Variants in GLI1 observed in about 807,000 individuals in gnomAD.
GLI1 encodes the protein transcription activator GLI1.
GLI1 carries 51 observed loss-of-function variants against 87.8 expected under a neutral mutation model. The observed-to-expected ratio is 0.58, with a 90% CI of 0.46 to 0.73. The LOEUF (loss-of-function observed/expected upper bound fraction) is 0.73, where lower values mean the gene tolerates loss of function less well. Ranked by LOEUF, GLI1 falls within the 30% of genes least tolerant of loss-of-function variation. GLI1 has a pLI of 0.00. For synonymous variants in GLI1, 528 were observed against 558.2 expected (o/e 0.95, Z 0.76); for missense variants, 1,292 against 1,437.2 (o/e 0.90, Z 1.63).
At position 57,463,721 on chromosome 12, in the gene GLI1, C is replaced by G. The variant is rs533354109; in HGVS notation, c.30C>G (p.Ile10Met). Residue 10 changes from isoleucine to methionine, a missense_variant, in exon 2 of 12, where the codon ATC (isoleucine) becomes ATG (methionine). Physicochemically the swap from Ile to Met is conservative, Grantham distance 10. This residue lies in a region of GLI1 where 383 missense variants were observed against 368.4 expected (regional missense o/e 1.04). Coordinates refer to ENST00000228682, the MANE Select transcript of GLI1 (RefSeq NM_005269.3). MFNSMTPPP[I>M]SSYGEPCCLR... is the part of the protein sequence containing the mutation. ...TCAACTCGATGACCCCACCACCAAT[C>G]AGTAGCTATGGCGAGCCCTGCTGTC... The G allele has an allele frequency of 1.2e-6, 2 of 1,612,614 alleles. No individual in the cohort carries two copies. Among genetic ancestry groups the G allele is most frequent in the Non-Finnish European group, 1.7e-6 (2 of 1,179,544 alleles).
intron 4 of GLI1, 87 bp downstream of exon 4, chr12:57,464,955 T>C: frequency 8.0e-7 from 1 of 1,257,204 alleles, no homozygotes; most frequent in African/African-American, 1.5e-5. Flanking sequence ...CTAACCCTAT[T>C]TGAATCCTTG....
In GLI1 at chr12:57,471,949, G is replaced by C. The variant is rs916865788; in HGVS notation, c.3209G>C (p.Ser1070Thr). 6.2e-7 allele frequency: 1 copy of C among 1,610,742 alleles called. No homozygotes were observed. Among genetic ancestry groups the C allele is most frequent in the Non-Finnish European group, 8.5e-7 (1 of 1,178,374 alleles). The change falls in exon 12 of 12, where the codon AGC becomes ACC. Residue 1070 changes from serine (S) to threonine (T), a missense_variant. Physicochemically the swap from Ser to Thr is moderately conservative, Grantham distance 58 (BLOSUM62 1). This residue lies in a region of GLI1 where 897 missense variants were observed against 1,040.7 expected (regional missense o/e 0.86). Coordinates refer to ENST00000228682, the MANE Select transcript of GLI1 (RefSeq NM_005269.3). This position sits in a 1 kb window ranked among gnomAD's most constrained non-coding sequence, Gnocchi z 4.9. Reference protein sequence around the residue: ...SPPPSHDQRGSSGHTPPPSGP... With the variant: ...SPPPSHDQRGTSGHTPPPSGP... ...CCTCCTTCCCATGATCAGCGGGGCAGCTCTGGACATACCCCACCTCCCTCT... is the reference window on the plus strand; with the variant it reads ...CCTCCTTCCCATGATCAGCGGGGCACCTCTGGACATACCCCACCTCCCTCT...
At chr12:57,461,146 G>A (rs1018447409) in intron 1 of GLI1, among the ~76,000 whole-genome samples, 1 of 152,216 alleles carries the variant, frequency 6.6e-6, no homozygotes, top group Non-Finnish European at 1.5e-5. Context: ...TTTCGGGACA[G>A]GATTACGGAA....
chr12:57,471,185 GCCAGAACAGGGGTGC>G lies in GLI1; in HGVS notation c.2450_2464del (p.Glu817_Pro821del). 10 of 1,602,606 alleles carry G rather than the reference GCCAGAACAGGGGTGC, an allele frequency of 6.2e-6. No individual in the cohort carries two copies. The highest frequency in any genetic ancestry group is 8.5e-6 in the Non-Finnish European group (10 of 1,174,160). ...AACATTATGGACAAGTGCAAGTCAA[GCCAGAACAGGGGTGC>G]CCAGTGGGGTCTGACTCCACAGGAC... On this transcript the variant is annotated inframe_deletion, in exon 12 of 12. Coordinates refer to ENST00000228682, the MANE Select transcript of GLI1 (RefSeq NM_005269.3). The surrounding 1 kb of genome is among the most constrained non-coding windows in gnomAD (Gnocchi z 4.9).
At chr12:57,465,965 T>G (rs1474036565) in intron 7 of GLI1, 40 bp downstream of exon 7, 1 of 1,586,834 alleles carries the variant, frequency 6.3e-7, no homozygotes, top group Non-Finnish European at 8.6e-7. Flanking sequence ...AGCCAGAACC[T>G]TTAGGAGATT....
chr12:57,464,399 G>A (rs371084969), intron 3 of GLI1, among the ~76,000 whole-genome samples: 1 of 152,116 alleles, frequency 6.6e-6, no homozygotes, highest in African/African-American at 2.4e-5. Context: ...GCTTGCACCT[G>A]TAGTGCCGAT....
At position 57,471,928 on chromosome 12, in the gene GLI1, C is replaced by T. The variant is rs1872004276; in HGVS notation, c.3188C>T (p.Pro1063Leu). Residue 1063 changes from proline to leucine, a missense_variant, in exon 12 of 12, where the codon CCT (proline) becomes CTT (leucine). Transcript: ENST00000228682. The surrounding 1 kb of genome is among the most constrained non-coding windows in gnomAD (Gnocchi z 4.9). The part of the protein sequence containing the change: ...LDEPQGLSPP[P>L]SHDQRGSSGH... Reference sequence around the variant, plus strand: ...GAGCCCCAGGGGCTGAGTCCTCCTCCTTCCCATGATCAGCGGGGCAGCTCT... The same window carrying T: ...GAGCCCCAGGGGCTGAGTCCTCCTCTTTCCCATGATCAGCGGGGCAGCTCT... The T allele has an allele frequency of 6.2e-6, 10 of 1,612,478 alleles. No homozygotes were observed. The highest frequency in any genetic ancestry group is 8.5e-6 in the Non-Finnish European group (10 of 1,179,118).
In GLI1 at chr12:57,469,557, T is replaced by G; in HGVS notation, c.1435T>G (p.Ser479Ala). ...TGCAGGGGGCAGCACTGAAGACCTC[T>G]CCAGCTTGGACGAGGGACCTTGCAT... is the stretch of plus-strand genomic sequence containing the variant. ...GNAGGSTEDLSSLDEGPCIAG... is the reference protein window; with the variant it reads ...GNAGGSTEDLASLDEGPCIAG... Residue 479 changes from serine (S) to alanine (A), a missense_variant, in exon 11 of 12, where the codon TCC (serine) becomes GCC (alanine). Ser to Ala is a moderately conservative substitution (Grantham distance 99). Coordinates refer to ENST00000228682, the MANE Select transcript of GLI1 (RefSeq NM_005269.3). 1 of 1,614,208 alleles carries G rather than the reference T, an allele frequency of 6.2e-7. No individual in the cohort carries two copies.
chr12:57,464,746 G>A lies in GLI1; in HGVS notation c.267G>A (p.Ser89=), dbSNP rs139988338. 75 of 1,613,842 alleles carry A rather than the reference G, an allele frequency of 4.6e-5. No individual in the cohort carries two copies. Among genetic ancestry groups the A allele is most frequent in the Admixed American group, 3.8e-4 (23 of 60,004 alleles). The change falls in exon 4 of 12, where the codon TCG becomes TCA. Residue 89 remains serine, a synonymous_variant. Coordinates refer to ENST00000228682, the MANE Select transcript of GLI1 (RefSeq NM_005269.3). The part of the protein sequence containing the change: ...KKRALSISPL[S]DASLDLQTVI... ...GGGCACTGTCCATCTCACCTCTGTC[G>A]GATGCCAGCCTGGACCTGCAGACGG... is the stretch of plus-strand genomic sequence containing the variant.
At chr12:57,467,178 C>T (rs1014502660) in intron 8 of GLI1, among the ~76,000 whole-genome samples, 155 bp from the exon 9 acceptor site, 3 of 152,162 alleles carry the variant, frequency 2.0e-5, no homozygotes, top group Non-Finnish European at 4.4e-5. Context: ...TTCTTGCCTG[C>T]CCTTGTCCCC....
chr12:57,465,476 G>T, intron 5 of GLI1, 131 bp from the exon 6 acceptor site: 1 of 800,858 alleles, frequency 1.2e-6, no homozygotes. Context: ...GTCTGAGGAG[G>T]AAGTCCCTTC....
At chr12:57,460,627 C>G (rs1465918721) in intron 1 of GLI1, 1 of 152,444 alleles carries the variant, frequency 6.6e-6, no homozygotes, top group Non-Finnish European at 1.5e-5. Flanking sequence ...GAGGGAGCTC[C>G]AGGTGGGGTG....
chr12:57,465,937 G>A lies in GLI1; in HGVS notation c.762+12G>A. ...AGCAGCTGGTGCACGTGAGCCCCAG[G>A]GGGTAACAGGAATGGCTAGCCAGAA... On this transcript the variant is annotated intron_variant, in intron 7 of 11. Coordinates refer to ENST00000228682, the MANE Select transcript of GLI1 (RefSeq NM_005269.3). 6.2e-7 allele frequency: 1 copy of A among 1,611,324 alleles called. No individual in the cohort carries two copies. Among genetic ancestry groups the A allele is most frequent in the Non-Finnish European group, 8.5e-7 (1 of 1,177,594 alleles).
chr12:57,464,201 T>C, intron 3 of GLI1, 110 bp downstream of exon 3: 1 of 797,826 alleles, frequency 1.3e-6, no homozygotes, highest in Non-Finnish European at 2.2e-6. Flanking sequence ...CTTGGAGATG[T>C]GAGGCGTCAG....
At chr12:57,464,355 C>T (rs955233260) in intron 3 of GLI1, among the ~76,000 whole-genome samples, 1 of 152,106 alleles carries the variant, frequency 6.6e-6, no homozygotes, top group African/African-American at 2.4e-5. Context: ...AACCCTGTCT[C>T]TACTAACAAT....
Position 57,471,076 on chromosome 12 carries a change from C to G in GLI1, c.2336C>G (p.Thr779Arg). The change falls in exon 12 of 12, where the codon ACA becomes AGA. Residue 779 changes from threonine (T) to arginine (R), a missense_variant. Thr to Arg is a moderately conservative substitution (Grantham distance 71). Around this residue, in one of 3 missense-constraint regions of GLI1, gnomAD observed 897 missense variants for 1,040.7 expected, o/e 0.86. Coordinates refer to ENST00000228682, the MANE Select transcript of GLI1 (RefSeq NM_005269.3). The surrounding 1 kb of genome is among the most constrained non-coding windows in gnomAD (Gnocchi z 4.9). The part of the protein sequence containing the change: ...QASYPDPTQE[T>R]WGEFPSHSGL... The stretch of plus-strand genomic sequence containing the variant: ...TCATATCCTGACCCCACCCAAGAAA[C>G]ATGGGGTGAGTTCCCTTCCCACTCT... 1 of 1,613,100 alleles carries G rather than the reference C, an allele frequency of 6.2e-7. No individual in the cohort carries two copies. The highest frequency in any genetic ancestry group is 1.3e-5 in the African/African-American group (1 of 75,022).
At chr12:57,463,954 G>A (rs1220886739) in intron 2 of GLI1, 45 bp from the exon 3 acceptor site, 3 of 1,429,868 alleles carry the variant, frequency 2.1e-6, no homozygotes, top group East Asian at 4.5e-5. Flanking sequence ...TTAAGGTGAG[G>A]TTTATGTATC....
intron 8 of GLI1, 63 bp downstream of exon 8, chr12:57,466,452 G>A (rs1458035291): frequency 1.5e-6 from 2 of 1,299,086 alleles, no homozygotes; most frequent in African/African-American, 1.5e-5. Flanking sequence ...TTCAAGGTAG[G>A]GCCCAAGGCA....
chr12:57,467,611 C>T (rs1484056075), intron 9 of GLI1, 114 bp downstream of exon 9: 1 of 873,950 alleles, frequency 1.1e-6, no homozygotes, highest in Non-Finnish European at 1.7e-6. Context: ...GTCCCCCTCC[C>T]CACATAATTC....
Sources: gnomAD v4.1 joint callset for allele counts (sites outside exome capture counted in the v4.1 genomes callset) on GRCh38, gnomAD v4.1.1 for gene constraint, gnomAD v4.1.1 regional missense constraint, Gnocchi (gnomAD v3.1) non-coding constraint, MANE v1.5 for transcripts, NCBI Gene and HGNC (gene_info 2026-07-23, HGNC 2026-07-21) for gene names.